The following NFATC1 variants were observed in gnomAD, a reference collection of about 807,000 sequenced individuals.
The protein encoded by NFATC1 is nuclear factor of activated T cells 1, also known as nuclear factor of activated T-cells, cytoplasmic 1.
A neutral mutation model predicts 76.0 loss-of-function variants in NFATC1; 22 were observed. The observed-to-expected ratio is 0.29, with a 90% CI of 0.21 to 0.41. NFATC1 has a LOEUF of 0.41. Ranked by LOEUF, NFATC1 falls within the 10% of genes least tolerant of loss-of-function variation. NFATC1 has a pLI of 1.00. For missense variants in NFATC1, 1,357 were observed against 1,337.7 expected (o/e 1.01, Z -0.23); for synonymous variants, 704 against 613.1 (o/e 1.15, Z -2.19).
chr18:79,442,642 C>T (rs1399161363), intron 3 of NFATC1, among the ~76,000 whole-genome samples: 3 of 152,208 alleles, frequency 2.0e-5, no homozygotes, highest in Admixed American at 6.5e-5. Flanking sequence ...CGTGCGGTGG[C>T]GGCGGCGGGT....
intron 9 of NFATC1, among the ~76,000 whole-genome samples, chr18:79,494,085 C>CA (rs1020724261): frequency 1.8e-4 from 27 of 152,360 alleles, no homozygotes; most frequent in African/African-American, 6.5e-4. Context: ...ACCTGTGCGC[C>CA]AGGCAGCGTG....
At chr18:79,398,788 G>A (rs1441079945) in intron 1 of NFATC1, among the ~76,000 whole-genome samples, 1 of 152,268 alleles carries the variant, frequency 6.6e-6, no homozygotes, top group African/African-American at 2.4e-5. Context: ...CAATGTACAG[G>A]CCGGGCGCCG....
chr18:79,508,404 G>A (rs190787590), intron 9 of NFATC1, among the ~76,000 whole-genome samples: 9 of 152,322 alleles, frequency 5.9e-5, no homozygotes, highest in Admixed American at 3.9e-4. Flanking sequence ...GTGAGGGGGC[G>A]CATGGGCAGG....
At chr18:79,491,800 G>T in intron 9 of NFATC1, among the ~76,000 whole-genome samples, 1 of 152,172 alleles carries the variant, frequency 6.6e-6, no homozygotes, top group East Asian at 1.9e-4. Context: ...ACAGGCCAGC[G>T]TCTGGGATGT....
chr18:79,508,167 C>A (rs2090159843), intron 9 of NFATC1, among the ~76,000 whole-genome samples: 1 of 152,210 alleles, frequency 6.6e-6, no homozygotes, highest in Non-Finnish European at 1.5e-5. Context: ...GATTCCCAGA[C>A]TCCCAGTGCA....
chr18:79,474,332 C>T (rs1206923448), intron 8 of NFATC1, among the ~76,000 whole-genome samples: 8 of 145,826 alleles, frequency 5.5e-5, no homozygotes, highest in South Asian at 2.3e-4. Flanking sequence ...CGTGTTCTCG[C>T]GCTCACTGTC....
intron 9 of NFATC1, among the ~76,000 whole-genome samples, chr18:79,503,557 T>C (rs986322412): frequency 2.6e-5 from 4 of 152,174 alleles, no homozygotes; most frequent in African/African-American, 9.7e-5. Flanking sequence ...GCTTTGTCGC[T>C]CCATGGGTGG....
intron 6 of NFATC1, among the ~76,000 whole-genome samples, chr18:79,456,887 G>T (rs2087761037): frequency 6.6e-6 from 1 of 152,216 alleles, no homozygotes; most frequent in African/African-American, 2.4e-5. Context: ...AGCGTCCGCG[G>T]CACGGGCAGC....
At chr18:79,447,151 G>A (rs965847821) in intron 3 of NFATC1, among the ~76,000 whole-genome samples, 1 of 152,246 alleles carries the variant, frequency 6.6e-6, no homozygotes, top group Admixed American at 6.5e-5. Context: ...GTTCTTTACT[G>A]TGGTGACCAC....
At chr18:79,424,917 C>G (rs1184729697) in intron 2 of NFATC1, among the ~76,000 whole-genome samples, 3 of 139,184 alleles carry the variant, frequency 2.2e-5, no homozygotes, top group Non-Finnish European at 4.9e-5. Context: ...CTCTGTCGCT[C>G]TGTCTCTCTG....
intron 9 of NFATC1, among the ~76,000 whole-genome samples, chr18:79,516,814 C>T (rs140199096): frequency 1.2e-4 from 19 of 152,314 alleles, no homozygotes; most frequent in East Asian, 7.7e-4. Context: ...TTTTCCTCTT[C>T]GCTTCCTATT....
chr18:79,462,368 T>C (rs970804614), intron 7 of NFATC1, among the ~76,000 whole-genome samples: 1 of 152,166 alleles, frequency 6.6e-6, no homozygotes, highest in African/African-American at 2.4e-5. Context: ...CAGAGTTTCG[T>C]TCTTGTTGCC....
rs1017168834 is a variant in NFATC1, at chr18:79,527,810, G to T, written c.*233G>T. The stretch of plus-strand genomic sequence containing the variant: ...AGAAGTCATCTCATGACAACAGAAG[G>T]GAGGTGGCCGGGCTGAGCACGGGAG... On this transcript the variant is annotated 3_prime_UTR_variant, in exon 10 of 10. Coordinates refer to ENST00000427363, the MANE Select transcript of NFATC1 (RefSeq NM_001278669.2). 11 of 574,008 alleles carry T rather than the reference G, an allele frequency of 1.9e-5. No homozygotes were observed. The highest frequency in any genetic ancestry group is 2.8e-5 in the Non-Finnish European group (9 of 323,676). The allele number at this position is 574,008 out of a possible 1,614,324, so 35.6% of individuals were successfully genotyped here.
chr18:79,494,773 G>A (rs1429206783), intron 9 of NFATC1, among the ~76,000 whole-genome samples: 3 of 81,048 alleles, frequency 3.7e-5, no homozygotes, highest in African/African-American at 1.0e-4. Flanking sequence ...GGGGGAAGGC[G>A]AGAGCGGGCA....
chr18:79,473,242 C>T (rs1016477261), intron 8 of NFATC1, among the ~76,000 whole-genome samples: 5 of 152,276 alleles, frequency 3.3e-5, no homozygotes, highest in Non-Finnish European at 5.9e-5. Flanking sequence ...CTGTGAACAG[C>T]GGCCTGTGGG....
At chr18:79,509,514 G>A (rs1001478397) in intron 9 of NFATC1, among the ~76,000 whole-genome samples, 5 of 152,244 alleles carry the variant, frequency 3.3e-5, no homozygotes, top group African/African-American at 7.2e-5. Context: ...AGACGCCCGC[G>A]CAGTGCCATG....
intron 8 of NFATC1, among the ~76,000 whole-genome samples, chr18:79,479,338 C>T (rs1489663106): frequency 6.6e-6 from 1 of 150,702 alleles, no homozygotes; most frequent in African/African-American, 2.5e-5. Flanking sequence ...CTGTGCGGCC[C>T]CCTCCACGGG....
In NFATC1 at chr18:79,513,681, G is replaced by A. The variant is rs114541284; in HGVS notation, c.2783-13847G>A. The stretch of plus-strand genomic sequence containing the variant: ...GCGGTTTCCCTTGCAGCTAGCTCCC[G>A]GTCTCCTCCCTCTGACCCAGGGCTC... On this transcript the variant is annotated intron_variant, in intron 9 of 9. Transcript: ENST00000427363. 3.2e-3 allele frequency among the ~76,000 whole-genome samples: 493 copies of A among 152,270 alleles called. 2 individuals carry two copies. The highest frequency in any genetic ancestry group is 0.011 in the African/African-American group (469 of 41,538).
intron 6 of NFATC1, among the ~76,000 whole-genome samples, chr18:79,458,998 C>G (rs2087904115): frequency 6.6e-6 from 1 of 152,256 alleles, no homozygotes; most frequent in South Asian, 2.1e-4. Flanking sequence ...CCTGGTCGAC[C>G]TGAAACGGCC....
Sources: allele counts gnomAD v4.1 joint callset (sites outside exome capture counted in the v4.1 genomes callset), GRCh38; gene constraint gnomAD v4.1.1; transcripts MANE v1.5; gene names NCBI Gene and HGNC (gene_info 2026-07-23, HGNC 2026-07-21).